Variants in SLC9A6 observed in about 807,000 individuals in gnomAD.
SLC9A6 encodes sodium/hydrogen exchanger 6.
In SLC9A6, 6 loss-of-function variants were observed where a neutral mutation model predicts 45.3. That is an observed-to-expected ratio of 0.13 (90% CI 0.07 to 0.26). The LOEUF is 0.26. Ranked by LOEUF, SLC9A6 falls within the 10% of genes least tolerant of loss-of-function variation. SLC9A6 has a pLI of 1.00. For synonymous variants in SLC9A6, 191 were observed against 187.7 expected, an observed-to-expected ratio of 1.02 and a Z score of -0.14; for missense variants, 278 against 503.7, an observed-to-expected ratio of 0.55 and a Z score of 4.29.
In SLC9A6 at chrX:136,046,681, T is replaced by C. The variant is rs1556623631; in HGVS notation, c.*1957T>C. ...ACTGATAAAGCTTGAGTCAACTAAA[T>C]CTGCCTTCATACTTTATCAAGGGGA... On this transcript the variant is annotated 3_prime_UTR_variant, in exon 18 of 18. Coordinates refer to ENST00000630721, the MANE Select transcript of SLC9A6 (RefSeq NM_001379110.1). 3.5e-5 allele frequency: 4 copies of C among 112,779 alleles called. No individual in the cohort carries two copies. The South Asian group carries it at 1.5e-3, about 41-fold the overall frequency. 9.3% of individuals were successfully genotyped at this position (112,779 alleles called of 1,213,427 possible).
intron 3 of SLC9A6, among the ~76,000 whole-genome samples, chrX:135,997,792 C>G (rs1056552510): frequency 5.4e-5 from 6 of 110,963 alleles, no homozygotes; most frequent in Admixed American, 9.6e-5. Flanking sequence ...GTGGTGCAGT[C>G]TCAGCTCACT....
At chrX:136,035,446 T>C (rs1460828445) in intron 16 of SLC9A6, among the ~76,000 whole-genome samples, 3 of 112,095 alleles carry the variant, frequency 2.7e-5, no homozygotes, top group African/African-American at 9.7e-5. Context: ...TTCGTTTCTG[T>C]CTTGCTTCTT....
chrX:135,973,999 G>T, upstream of SLC9A6: 1 of 810,064 alleles, frequency 1.2e-6, no homozygotes, highest in Non-Finnish European at 1.7e-6. Context: ...GAAGGGCGCC[G>T]GCAAATGGGG....
chrX:135,989,941 C>T (rs781879345), intron 2 of SLC9A6, among the ~76,000 whole-genome samples: 3 of 110,971 alleles, frequency 2.7e-5, no homozygotes, highest in Middle Eastern at 4.7e-3. Flanking sequence ...CGCGTTAGGA[C>T]CTCTCTGTTT....
chrX:135,973,984 A>G, upstream of SLC9A6: 1 of 970,422 alleles, frequency 1.0e-6, no homozygotes, highest in Non-Finnish European at 1.4e-6. Context: ...CGGGGAAGCG[A>G]AGAGGAAGGG....
At chrX:136,040,227 T>G in intron 17 of SLC9A6, 46 bp downstream of exon 17, 2 of 948,224 alleles carry the variant, frequency 2.1e-6, no homozygotes, top group Non-Finnish European at 3.0e-6. Flanking sequence ...AAGTTAAATT[T>G]ATCTGCTCTG....
chrX:136,024,150 G>A (rs2071188489), intron 12 of SLC9A6, among the ~76,000 whole-genome samples, 180 bp from the exon 13 acceptor site: 1 of 112,216 alleles, frequency 8.9e-6, no homozygotes, highest in South Asian at 3.7e-4. Flanking sequence ...GCCTCCCAAA[G>A]TGCTGGGATT....
At chrX:135,986,018 A>G (rs1459240951) in intron 2 of SLC9A6, among the ~76,000 whole-genome samples, 191 bp downstream of exon 2, 1 of 100,688 alleles carries the variant, frequency 9.9e-6, no homozygotes, top group African/African-American at 3.7e-5. Context: ...CTCGCGCCCC[A>G]TTTTATCTGC....
intron 7 of SLC9A6, among the ~76,000 whole-genome samples, chrX:136,003,437 A>G (rs1164198444): frequency 8.9e-6 from 1 of 112,449 alleles, no homozygotes; most frequent in Admixed American, 9.4e-5. Flanking sequence ...TTGCATGTCA[A>G]AAGAGTGAAT....
chrX:136,009,189 G>A (rs782640065), intron 7 of SLC9A6, among the ~76,000 whole-genome samples: 1 of 111,657 alleles, frequency 9.0e-6, no homozygotes, highest in Non-Finnish European at 1.9e-5. Flanking sequence ...GGTGTTAAAG[G>A]CCATTTCATA....
chrX:136,047,269 A>T lies in SLC9A6; in HGVS notation c.*2545A>T, dbSNP rs782617203. On this transcript the variant is annotated 3_prime_UTR_variant, in exon 18 of 18. Transcript: ENST00000630721. Reference sequence around the variant, plus strand: ...ACAAACAGAAACCTAACAGAACTTAACTTATGGGTTGGCAAATTTTTGGTG... The same window carrying T: ...ACAAACAGAAACCTAACAGAACTTATCTTATGGGTTGGCAAATTTTTGGTG... The T allele has an allele frequency of 1.8e-5, 2 of 112,600 alleles. No individual in the cohort carries two copies. Among genetic ancestry groups the T allele is most frequent in the Non-Finnish European group, 3.8e-5 (2 of 53,286 alleles). The allele number at this position is 112,600 out of a possible 1,213,427, so 9.3% of individuals were successfully genotyped here.
At chrX:135,988,970 G>A (rs1556615323) in intron 2 of SLC9A6, among the ~76,000 whole-genome samples, 5 of 110,079 alleles carry the variant, frequency 4.5e-5, no homozygotes. Flanking sequence ...TTTTCTTATA[G>A]CTCTCACAAC....
intron 3 of SLC9A6, among the ~76,000 whole-genome samples, chrX:135,995,221 A>G (rs1221971532): frequency 1.8e-5 from 2 of 112,482 alleles, no homozygotes; most frequent in Non-Finnish European, 3.8e-5. Flanking sequence ...GATTGTTTAC[A>G]GCTTGTTGTG....
intron 17 of SLC9A6, 79 bp from the exon 18 acceptor site, chrX:136,044,373 G>A (rs2071562039): frequency 4.5e-6 from 4 of 893,136 alleles, no homozygotes; most frequent in Non-Finnish European, 6.5e-6. Flanking sequence ...TTTTAATGGG[G>A]GATCCTCGAA....
intron 13 of SLC9A6, among the ~76,000 whole-genome samples, chrX:136,027,999 C>G (rs2071258358): frequency 8.9e-6 from 1 of 112,160 alleles, no homozygotes; most frequent in Admixed American, 9.5e-5. Context: ...GTTCCCTCTG[C>G]CTGGAATGCT....
At chrX:136,023,163 G>GTATATATATA (rs35106450) in intron 12 of SLC9A6, among the ~76,000 whole-genome samples, 1 of 25,010 alleles carries the variant, frequency 4.0e-5, no homozygotes, top group Non-Finnish European at 6.7e-5. Flanking sequence ...AAAAGAAAAT[G>GTATATATATA]TATATATATA....
intron 15 of SLC9A6, among the ~76,000 whole-genome samples, chrX:136,032,685 T>TA (rs2071347007): frequency 8.9e-6 from 1 of 112,142 alleles, no homozygotes; most frequent in South Asian, 3.7e-4. Flanking sequence ...GGAATTTCCC[T>TA]ACTTGTTTTT....
At chrX:135,989,843 G>T (rs1231409201) in intron 2 of SLC9A6, among the ~76,000 whole-genome samples, 1 of 111,567 alleles carries the variant, frequency 9.0e-6, no homozygotes, top group Non-Finnish European at 1.9e-5. Context: ...GGAGGGTCAG[G>T]AATGTGTAGG....
intron 8 of SLC9A6, among the ~76,000 whole-genome samples, chrX:136,011,963 G>A (rs782606190): frequency 2.7e-5 from 3 of 111,828 alleles, no homozygotes; most frequent in South Asian, 3.8e-4. Flanking sequence ...GGTGGTGGGC[G>A]CCTGTAGTCC....
Sources: allele counts gnomAD v4.1 joint callset (sites outside exome capture counted in the v4.1 genomes callset), GRCh38; gene constraint gnomAD v4.1.1; transcripts MANE v1.5; gene names NCBI Gene and HGNC (gene_info 2026-07-23, HGNC 2026-07-21).